SLC22A4: variants seen among roughly 807,000 people sequenced by gnomAD.
The protein encoded by SLC22A4 is ET transporter.
Under a neutral mutation model 56.6 loss-of-function variants are expected in SLC22A4, and 39 were observed. The observed-to-expected ratio is 0.69, with a 90% CI of 0.53 to 0.90. The LOEUF is 0.90. SLC22A4 is among the 40% of genes least tolerant of loss of function. The probability of loss-of-function intolerance (pLI) is 0.00; values close to 1 mark genes in which losing one functional copy is unlikely to be tolerated. For missense variants in SLC22A4, 594 were observed against 696.5 expected (o/e 0.85, Z 1.66); for synonymous variants, 241 against 281.4 (o/e 0.86, Z 1.44).
At chr5:132,327,444 A>G (rs1479689621) in intron 5 of SLC22A4, 41 bp downstream of exon 5, 3 of 1,576,926 alleles carry the variant, frequency 1.9e-6, no homozygotes, top group Admixed American at 3.3e-5. Context: ...TCAGCTATGC[A>G]TTCTTGATTT....
In SLC22A4 at chr5:132,294,671, C is replaced by T. The variant is rs755438066; in HGVS notation, c.55C>T (p.Arg19Cys). 1.2e-6 allele frequency: 2 copies of T among 1,614,200 alleles called. No homozygotes were observed. Among genetic ancestry groups the T allele is most frequent in the East Asian group, 2.2e-5 (1 of 44,868 alleles). Residue 19 changes from arginine (R) to cysteine (C), a missense_variant, in exon 1 of 10, where the codon CGC (arginine) becomes TGC (cysteine). Physicochemically the swap from Arg to Cys is radical, Grantham distance 180 (BLOSUM62 -3). Coordinates refer to ENST00000200652, the MANE Select transcript of SLC22A4 (RefSeq NM_003059.3). This position sits in a 1 kb window ranked among gnomAD's most constrained non-coding sequence, Gnocchi z 5.6. ...CCTGGGCGAGTGGGGGCCCTTCCAG[C>T]GCCTCATCTTCTTCCTGCTCAGCGC... ...AFLGEWGPFQ[R>C]LIFFLLSASI...
intron 3 of SLC22A4, among the ~76,000 whole-genome samples, chr5:132,320,435 G>A (rs1750498374): frequency 6.6e-6 from 1 of 152,234 alleles, no homozygotes; most frequent in African/African-American, 2.4e-5. Flanking sequence ...TAGCAGGAAG[G>A]TCATTAATGA....
At chr5:132,337,169 TA>T (rs1269416429) in intron 8 of SLC22A4, among the ~76,000 whole-genome samples, 1 of 152,064 alleles carries the variant, frequency 6.6e-6, no homozygotes, top group African/African-American at 2.4e-5. Flanking sequence ...AAAAATTTCA[TA>T]GATATTCCCA....
chr5:132,335,978 T>C lies in SLC22A4; in HGVS notation c.1422T>C (p.Ile474=). 2 of 1,614,176 alleles carry C rather than the reference T, an allele frequency of 1.2e-6. No individual in the cohort carries two copies. Among genetic ancestry groups the C allele is most frequent in the Non-Finnish European group, 1.7e-6 (2 of 1,180,008 alleles). ...CGGCCTCCAGAGTGGGCAGCATCAT[T>C]GCCCCCTACTTTGTTTACCTCGGTG... is the stretch of plus-strand genomic sequence containing the variant. ...TSTASRVGSI[I]APYFVYLGAY... The change falls in exon 8 of 10, where the codon ATT becomes ATC. Residue 474 remains isoleucine (I), a synonymous_variant. Coordinates refer to ENST00000200652, the MANE Select transcript of SLC22A4 (RefSeq NM_003059.3).
chr5:132,295,178 G>A (rs769576360), intron 1 of SLC22A4, 169 bp downstream of exon 1: 11 of 806,772 alleles, frequency 1.4e-5, no homozygotes. Flanking sequence ...TAGGACTCAC[G>A]CGAGGCGCAT....
intron 1 of SLC22A4, among the ~76,000 whole-genome samples, chr5:132,310,429 C>T (rs1213648839): frequency 1.3e-5 from 2 of 152,192 alleles, no homozygotes; most frequent in African/African-American, 2.4e-5. Flanking sequence ...TTACCACTTC[C>T]GGTCTATGGA....
intron 1 of SLC22A4, among the ~76,000 whole-genome samples, chr5:132,305,913 T>G (rs139039023): frequency 9.8e-4 from 149 of 152,318 alleles, no homozygotes; most frequent in Middle Eastern, 3.4e-3. Flanking sequence ...CCATGTTCTG[T>G]TCATGGAGCA....
chr5:132,343,208 T>C (rs1050516469), intron 9 of SLC22A4, among the ~76,000 whole-genome samples: 1 of 152,166 alleles, frequency 6.6e-6, no homozygotes, highest in Non-Finnish European at 1.5e-5. Context: ...GTTTAGAGTT[T>C]CGAGTAACAC....
Position 132,344,137 on chromosome 5 carries a change from T to C in SLC22A4, c.*302T>C, listed in dbSNP as rs112601131. The C allele has an allele frequency of 1.2e-5, 4 of 322,672 alleles. No homozygotes were observed. The highest frequency in any genetic ancestry group is 9.0e-4 in the Middle Eastern group (1 of 1,112). The allele number at this position is 322,672 out of a possible 1,614,324, so 20.0% of individuals were successfully genotyped here. A position where few individuals can be genotyped will look rare whatever the true frequency, so the allele number is the denominator to read the frequency against. ...ATACATATAAAGATTAACACTCATT[T>C]CCAATCATACAAATACTATCCAAAT... On this transcript the variant is annotated 3_prime_UTR_variant, in exon 10 of 10. Transcript: ENST00000200652.
intron 6 of SLC22A4, among the ~76,000 whole-genome samples, chr5:132,332,961 G>C (rs272884): frequency 0.6 from 90,838 of 151,978 alleles, 27,724 homozygotes; most frequent in African/African-American, 0.66. Context: ...CTTGGGTAGT[G>C]GTGCTACTAA....
chr5:132,305,007 G>C (rs891599391), intron 1 of SLC22A4, among the ~76,000 whole-genome samples: 1 of 152,218 alleles, frequency 6.6e-6, no homozygotes, highest in Non-Finnish European at 1.5e-5. Flanking sequence ...TTACTCAGGA[G>C]GCTGAGGTAG....
intron 1 of SLC22A4, among the ~76,000 whole-genome samples, chr5:132,304,242 A>G (rs570136093): frequency 6.6e-6 from 1 of 152,378 alleles, no homozygotes; most frequent in African/African-American, 2.4e-5. Context: ...CCCCCAGGGC[A>G]TTATTGAAAT....
intron 5 of SLC22A4, among the ~76,000 whole-genome samples, chr5:132,331,265 G>A (rs986901206): frequency 1.3e-5 from 2 of 152,134 alleles, no homozygotes; most frequent in Non-Finnish European, 2.9e-5. Flanking sequence ...AACCTGGGAG[G>A]TGGAGGTTGC....
At chr5:132,317,988 G>C (rs1224414472) in intron 3 of SLC22A4, among the ~76,000 whole-genome samples, 1 of 152,260 alleles carries the variant, frequency 6.6e-6, no homozygotes, top group Non-Finnish European at 1.5e-5. Flanking sequence ...TATTCACAAG[G>C]AGCTCACTGC....
intron 1 of SLC22A4, chr5:132,295,564 A>G: frequency 3.3e-6 from 1 of 305,140 alleles, no homozygotes; most frequent in South Asian, 2.8e-5. Context: ...GCAAGGAAGC[A>G]CAGAAGGCGA....
At chr5:132,328,952 A>T (rs1165827154) in intron 5 of SLC22A4, among the ~76,000 whole-genome samples, 2 of 148,820 alleles carry the variant, frequency 1.3e-5, no homozygotes, top group Non-Finnish European at 3.0e-5. Context: ...CTTTAAAAAA[A>T]TTTTGAGTCT....
chr5:132,331,925 C>A, intron 6 of SLC22A4, 75 bp downstream of exon 6: 30 of 931,448 alleles, frequency 3.2e-5, no homozygotes, highest in East Asian at 7.4e-5. Flanking sequence ...CTCAGAGGAA[C>A]ATTATGACAA....
intron 3 of SLC22A4, among the ~76,000 whole-genome samples, chr5:132,317,920 G>T (rs899794400): frequency 2.6e-5 from 4 of 152,230 alleles, no homozygotes; most frequent in African/African-American, 9.6e-5. Context: ...TATTTGCATT[G>T]CACCGTAAGA....
At chr5:132,325,873 C>T (rs867038601) in intron 4 of SLC22A4, among the ~76,000 whole-genome samples, 20 of 152,310 alleles carry the variant, frequency 1.3e-4, no homozygotes, top group Middle Eastern at 6.8e-3. Flanking sequence ...CACGCCCACC[C>T]GTGTGCCATG....
Sources: gnomAD v4.1 joint callset for allele counts (sites outside exome capture counted in the v4.1 genomes callset) on GRCh38, gnomAD v4.1.1 for gene constraint, Gnocchi (gnomAD v3.1) non-coding constraint, MANE v1.5 for transcripts, NCBI Gene and HGNC (gene_info 2026-07-23, HGNC 2026-07-21) for gene names.